The following ARMC2 variants were observed in gnomAD, a reference collection of about 807,000 sequenced individuals.
ARMC2 encodes armadillo repeat containing 2, also known as armadillo repeat-containing protein 2.
ARMC2 carries 67 observed loss-of-function variants against 90.3 expected under a neutral mutation model. The ratio of observed to expected loss-of-function variants is 0.74; its 90% CI spans 0.61 to 0.91. ARMC2 has a LOEUF of 0.91. Among genes scored for constraint, ARMC2 ranks in the 40% least tolerant of loss-of-function variants. The pLI, the probability that ARMC2 is intolerant of heterozygous loss-of-function variation, is 0.00. For synonymous variants in ARMC2, 393 were observed against 393.0 expected (o/e 1.00, Z 0.00); for missense variants, 920 against 1,030.9 (o/e 0.89, Z 1.47).
chr6:108,877,779 G>C (rs1777081281), intron 5 of ARMC2, among the ~76,000 whole-genome samples: 2 of 152,342 alleles, frequency 1.3e-5, no homozygotes, highest in East Asian at 3.9e-4. Context: ...TGGAAAGCCA[G>C]AGTTCATTAT....
downstream of ARMC2, among the ~76,000 whole-genome samples, chr6:108,977,177 C>T (rs117950093): frequency 2.5e-4 from 38 of 151,698 alleles, no homozygotes; most frequent in East Asian, 7.3e-3. Flanking sequence ...GATACTCCAT[C>T]AATACCTACT....
chr6:108,951,968 A>C (rs945205120), intron 12 of ARMC2, among the ~76,000 whole-genome samples: 2 of 152,272 alleles, frequency 1.3e-5, no homozygotes, highest in Non-Finnish European at 2.9e-5. Flanking sequence ...AAAGGACACT[A>C]GAGTCTGGGT....
chr6:108,905,549 AAAG>A (rs1240716135), intron 8 of ARMC2, among the ~76,000 whole-genome samples: 2 of 151,664 alleles, frequency 1.3e-5, no homozygotes, highest in Non-Finnish European at 2.9e-5. Flanking sequence ...AAAAAAAAAA[AAAG>A]AAAGAAAGAG....
chr6:109,043,764 T>G, the ARMC2 span, among the ~76,000 whole-genome samples: 1 of 152,206 alleles, frequency 6.6e-6, no homozygotes, highest in Non-Finnish European at 1.5e-5. Context: ...TAGTAAGGTG[T>G]CCATTTTTCC....
chr6:109,009,355 G>A, the ARMC2 span: 52 of 1,470,102 alleles, frequency 3.5e-5, no homozygotes, highest in Non-Finnish European at 4.4e-5. Flanking sequence ...CCTCGCCCAG[G>A]TACCTCGTCC....
intron 17 of ARMC2, among the ~76,000 whole-genome samples, chr6:108,968,425 AAC>A (rs1778527576): frequency 6.6e-6 from 1 of 152,204 alleles, no homozygotes; most frequent in African/African-American, 2.4e-5. Context: ...ACAGCAAATA[AAC>A]ACAGCTCACT....
chr6:108,894,437 T>G, intron 5 of ARMC2, 30 bp from the exon 6 acceptor site: 1 of 1,575,978 alleles, frequency 6.3e-7, no homozygotes, highest in Non-Finnish European at 8.6e-7. Context: ...TTTTCATGTT[T>G]GCGCTGAGTG....
At chr6:109,050,309 T>A in the ARMC2 span, among the ~76,000 whole-genome samples, 1 of 150,412 alleles carries the variant, frequency 6.6e-6, no homozygotes, top group Non-Finnish European at 1.5e-5. Flanking sequence ...TAAGTAGCAG[T>A]CAAAACATTC....
intron 15 of ARMC2, among the ~76,000 whole-genome samples, chr6:108,962,893 G>A (rs1418442985): frequency 6.6e-6 from 1 of 152,126 alleles, no homozygotes; most frequent in Non-Finnish European, 1.5e-5. Flanking sequence ...CAGCTACTTG[G>A]GAGGCTGAGG....
chr6:108,872,124 GC>G (rs1416886310), intron 4 of ARMC2, among the ~76,000 whole-genome samples: 1 of 152,186 alleles, frequency 6.6e-6, no homozygotes, highest in Non-Finnish European at 1.5e-5. Context: ...GAAATGGAGG[GC>G]ATCCCTTTGT....
At chr6:109,000,597 T>C in the ARMC2 span, 24 of 1,612,474 alleles carry the variant, frequency 1.5e-5, no homozygotes, top group Non-Finnish European at 2.0e-5. Context: ...ATTGAGCCAC[T>C]TGGGGTCCCC....
the ARMC2 span, among the ~76,000 whole-genome samples, chr6:109,020,912 T>G: frequency 1.3e-5 from 2 of 152,210 alleles, no homozygotes; most frequent in African/African-American, 4.8e-5. Context: ...ATTTGATGGT[T>G]GTAGTTCCCT....
At chr6:109,051,997 G>A in the ARMC2 span, among the ~76,000 whole-genome samples, 1 of 152,186 alleles carries the variant, frequency 6.6e-6, no homozygotes, top group African/African-American at 2.4e-5. Flanking sequence ...ATTTTGGAGT[G>A]ACACATTCAA....
chr6:109,025,800 A>T, the ARMC2 span, among the ~76,000 whole-genome samples: 2 of 152,102 alleles, frequency 1.3e-5, no homozygotes, highest in African/African-American at 4.8e-5. Flanking sequence ...AATGAAATTT[A>T]TGAGAGAGAA....
At chr6:109,032,203 C>T in the ARMC2 span, among the ~76,000 whole-genome samples, 24 of 151,956 alleles carry the variant, frequency 1.6e-4, no homozygotes, top group Non-Finnish European at 2.9e-4. Flanking sequence ...ACCTGGAAGG[C>T]GGAGGTTGCG....
At chr6:109,035,073 G>A in the ARMC2 span, among the ~76,000 whole-genome samples, 1 of 152,046 alleles carries the variant, frequency 6.6e-6, no homozygotes, top group East Asian at 1.9e-4. Context: ...AATGTTAAGG[G>A]AGAGAAAAGG....
intron 11 of ARMC2, among the ~76,000 whole-genome samples, 179 bp downstream of exon 11, chr6:108,928,412 C>CATTGTCTATATG (rs1379100982): frequency 6.6e-6 from 1 of 152,080 alleles, no homozygotes; most frequent in Non-Finnish European, 1.5e-5. Context: ...CAAATGAACC[C>CATTGTCTATATG]ATTGTCTATA....
At chr6:108,930,014 C>T (rs916068937) in intron 11 of ARMC2, among the ~76,000 whole-genome samples, 1 of 151,776 alleles carries the variant, frequency 6.6e-6, no homozygotes, top group Admixed American at 6.6e-5. Context: ...GTAGTCCCAG[C>T]TACTTGAGAG....
Position 108,953,285 on chromosome 6 carries a change from C to T in ARMC2, c.1849C>T (p.His617Tyr). The change falls in exon 13 of 18, where the codon CAC becomes TAC. Residue 617 changes from histidine (H) to tyrosine (Y), a missense_variant. His to Tyr is a moderately conservative substitution (Grantham distance 83). Transcript: ENST00000392644. ...LTRVLANIAI[H>Y]PGVGPVLAAN... ...TCGTGTGCTGGCCAACATTGCCATC[C>T]ACCCGGGCGTGGGCCCGGTGCTGGC... 1 of 1,612,346 alleles carries T rather than the reference C, an allele frequency of 6.2e-7. No homozygotes were observed. Among genetic ancestry groups the T allele is most frequent in the Non-Finnish European group, 8.5e-7 (1 of 1,179,850 alleles).
Sources: gnomAD v4.1 joint callset for allele counts (sites outside exome capture counted in the v4.1 genomes callset) on GRCh38, gnomAD v4.1.1 for gene constraint, MANE v1.5 for transcripts, NCBI Gene and HGNC (gene_info 2026-07-23, HGNC 2026-07-21) for gene names.